Variants in FGFRL1 observed in about 807,000 individuals in gnomAD.
The protein encoded by FGFRL1 is fibroblast growth factor receptor like 1.
FGFRL1 carries 24 observed loss-of-function variants against 36.8 expected under a neutral mutation model. The observed-to-expected ratio is 0.65, with a 90% CI of 0.47 to 0.92. The LOEUF (loss-of-function observed/expected upper bound fraction) is 0.92. Ranked by LOEUF, FGFRL1 falls within the 40% of genes least tolerant of loss-of-function variation. The pLI is 0.00. For synonymous variants in FGFRL1, 422 were observed against 344.1 expected, an observed-to-expected ratio of 1.23 and a Z score of -2.50; for missense variants, 785 against 753.4, an observed-to-expected ratio of 1.04 and a Z score of -0.49.
At chr4:1,024,257 G>T (rs909604476) in intron 5 of FGFRL1, 54 bp from the exon 6 acceptor site, 18 of 1,528,160 alleles carry the variant, frequency 1.2e-5, no homozygotes, top group Admixed American at 1.1e-4. Flanking sequence ...GGGTGCTGGC[G>T]GGGTAGAGTC....
intron 2 of FGFRL1, among the ~76,000 whole-genome samples, chr4:1,020,469 G>A (rs1261094524): frequency 2.6e-5 from 4 of 151,764 alleles, no homozygotes; most frequent in Admixed American, 6.6e-5. Context: ...CAGGCCCTGC[G>A]GTGCCCCGAG....
Position 1,025,477 on chromosome 4 carries a change from G to C in FGFRL1, c.*130G>C. ...GAATGGCCAGCACCCCAGGCAGTCTGTGTGTGAGGCATAGCCCCTGGACAC... is the reference window on the plus strand; with the variant it reads ...GAATGGCCAGCACCCCAGGCAGTCTCTGTGTGAGGCATAGCCCCTGGACAC... On this transcript the variant is annotated 3_prime_UTR_variant, in exon 7 of 7. Transcript: ENST00000510644. 8.8e-7 allele frequency: 1 copy of C among 1,135,172 alleles called. No individual in the cohort carries two copies. The highest frequency in any genetic ancestry group is 1.6e-5 in the African/African-American group (1 of 64,088). The allele number at this position is 1,135,172 out of a possible 1,614,324, so 70.3% of individuals were successfully genotyped here.
chr4:1,012,999 A>G (rs138082624), intron 2 of FGFRL1, among the ~76,000 whole-genome samples: 2,197 of 152,280 alleles, frequency 0.014, 51 homozygotes, highest in African/African-American at 0.048. Flanking sequence ...AGATATTGGT[A>G]ATATACTTGG....
rs1716530387 is a variant in FGFRL1, at chr4:1,026,301, C to T, written c.*954C>T. 1 of 158,716 alleles carries T rather than the reference C, an allele frequency of 6.3e-6. No homozygotes were observed. The highest frequency in any genetic ancestry group is 2.4e-5 in the African/African-American group (1 of 41,498). 9.8% of individuals were successfully genotyped at this position (158,716 alleles called of 1,614,324 possible). A position where few individuals can be genotyped will look rare whatever the true frequency, so the allele number is the denominator to read the frequency against. On this transcript the variant is annotated 3_prime_UTR_variant, in exon 7 of 7. Transcript: ENST00000510644. ...GCACACACAGGTGCAGATATGCTGC[C>T]TGGACACACGCAGACTGACGTGCTT... is the stretch of plus-strand genomic sequence containing the variant.
rs768252857 is a variant in FGFRL1 at position 1,025,046 on chromosome 4, C to G, written c.1214C>G (p.Pro405Arg). 13 of 1,610,328 alleles carry G rather than the reference C, an allele frequency of 8.1e-6. No homozygotes were observed. Among genetic ancestry groups the G allele is most frequent in the Non-Finnish European group, 1.1e-5 (13 of 1,179,170 alleles). Residue 405 changes from proline (P) to arginine (R), a missense_variant, in exon 7 of 7, where the codon CCG becomes CGG. Physicochemically the swap from Pro to Arg is moderately radical, Grantham distance 103 (BLOSUM62 -2). Transcript: ENST00000510644. ...LLWLCQAQKK[P>R]CTPAPAPPLP... ...TGGCTTTGCCAGGCCCAGAAGAAGC[C>G]GTGCACCCCCGCGCCTGCCCCTCCC...
At chr4:1,018,863 G>A (rs889617237) in intron 2 of FGFRL1, among the ~76,000 whole-genome samples, 3 of 152,140 alleles carry the variant, frequency 2.0e-5, no homozygotes, top group South Asian at 2.1e-4. Flanking sequence ...GTCTTGGGCC[G>A]GCAACAGCAG....
Position 1,025,558 on chromosome 4 carries a change from A to G in FGFRL1, c.*211A>G. 4.7e-6 allele frequency: 3 copies of G among 643,270 alleles called. No homozygotes were observed. The highest frequency in any genetic ancestry group is 4.0e-5 in the South Asian group (2 of 49,870). 39.8% of individuals were successfully genotyped at this position (643,270 alleles called of 1,614,324 possible). On this transcript the variant is annotated 3_prime_UTR_variant, in exon 7 of 7. Transcript: ENST00000510644. ...CATGTATGCACACACATGCGCGCAC[A>G]CGTGCTCCCTGAAGGCACACGTACG...
rs745417758 is a variant in FGFRL1, at chr4:1,023,675, C to T, written c.387C>T (p.Pro129=). 8 of 1,603,884 alleles carry T rather than the reference C, an allele frequency of 5.0e-6. No individual in the cohort carries two copies. The highest frequency in any genetic ancestry group is 6.8e-6 in the Non-Finnish European group (8 of 1,177,314). The change falls in exon 4 of 7, where the codon CCC becomes CCT. Residue 129 remains proline, a synonymous_variant. Transcript: ENST00000510644. This position sits in a 1 kb window ranked among gnomAD's most constrained non-coding sequence, Gnocchi z 6.0. ...DISPGKESLG[P]DSSSGGQEDP... The stretch of plus-strand genomic sequence containing the variant: ...GCCCAGGGAAGGAGAGCCTGGGGCC[C>T]GACAGCTCCTCTGGGGGTCAAGAGG...
At chr4:1,019,007 G>A (rs1434909369) in intron 2 of FGFRL1, among the ~76,000 whole-genome samples, 1 of 152,192 alleles carries the variant, frequency 6.6e-6, no homozygotes, top group Non-Finnish European at 1.5e-5. Context: ...GCCGGCCCTG[G>A]GGGCCACGCT....
intron 1 of FGFRL1, 135 bp from the exon 2 acceptor site, chr4:1,012,335 C>A: frequency 1.0e-6 from 1 of 959,904 alleles, no homozygotes; most frequent in Non-Finnish European, 1.5e-6. Flanking sequence ...CCCGCTGCGG[C>A]TTCCTCCGCC....
intron 6 of FGFRL1, 60 bp from the exon 7 acceptor site, chr4:1,024,845 G>T (rs1345401226): frequency 2.6e-6 from 4 of 1,511,532 alleles, no homozygotes; most frequent in Non-Finnish European, 3.6e-6. Flanking sequence ...GGTCTGGGGT[G>T]CTCTCCTGGT....
rs192946618 is a variant in FGFRL1 at position 1,020,464 on chromosome 4, C to T, written c.80-1739C>T. Among the ~76,000 whole-genome samples, 155 of 151,870 alleles carry T rather than the reference C, an allele frequency of 1.0e-3. 1 individual carries two copies. Among genetic ancestry groups the T allele is most frequent in the Admixed American group, 2.0e-3 (30 of 15,274 alleles). The stretch of plus-strand genomic sequence containing the variant: ...CCAGGAGCTCCATCCAGGTACAGGC[C>T]CTGCGGTGCCCCGAGTTTCTGAGGC... On this transcript the variant is annotated intron_variant, in intron 2 of 6. Coordinates refer to ENST00000510644, the MANE Select transcript of FGFRL1 (RefSeq NM_001004356.3).
chr4:1,026,662 T>C lies in FGFRL1; in HGVS notation c.*1315T>C. On this transcript the variant is annotated 3_prime_UTR_variant, in exon 7 of 7. Coordinates refer to ENST00000510644, the MANE Select transcript of FGFRL1 (RefSeq NM_001004356.3). Reference sequence around the variant, plus strand: ...GGTATTTATATTTAAGAAATGAAGATAATATTAATAATGATGGAAGGAAGA... The same window carrying C: ...GGTATTTATATTTAAGAAATGAAGACAATATTAATAATGATGGAAGGAAGA... The C allele has an allele frequency of 3.3e-6, 1 of 300,948 alleles. No homozygotes were observed. Among genetic ancestry groups the C allele is most frequent in the Non-Finnish European group, 6.5e-6 (1 of 154,056 alleles). 18.6% of individuals were successfully genotyped at this position (300,948 alleles called of 1,614,324 possible).
rs1671892390 is a variant in FGFRL1, at chr4:1,025,596, T to TGCACAGATATGCCGCCTGGGC, written c.*250_*270dup. The TGCACAGATATGCCGCCTGGGC allele has an allele frequency of 1.8e-6, 1 of 569,524 alleles. No homozygotes were observed. The highest frequency in any genetic ancestry group is 3.4e-5 in the Admixed American group (1 of 29,260). The allele number at this position is 569,524 out of a possible 1,614,324, so 35.3% of individuals were successfully genotyped here. On this transcript the variant is annotated 3_prime_UTR_variant, in exon 7 of 7. Coordinates refer to ENST00000510644, the MANE Select transcript of FGFRL1 (RefSeq NM_001004356.3). ...AGGCACACGTACGCACACACGCACATGCACAGATATGCCGCCTGGGCACAC... is the reference window on the plus strand; with the variant it reads ...AGGCACACGTACGCACACACGCACATGCACAGATATGCCGCCTGGGCGCACAGATATGCCGCCTGGGCACAC...
chr4:1,025,159 G>C lies in FGFRL1; in HGVS notation c.1327G>C (p.Gly443Arg). 5 of 1,610,690 alleles carry C rather than the reference G, an allele frequency of 3.1e-6. No homozygotes were observed. Among genetic ancestry groups the C allele is most frequent in the Non-Finnish European group, 4.2e-6 (5 of 1,179,154 alleles). ...PSLAALSAGP[G>R]VGLCEEHGSP... ...GTTGGCCGCCCTCAGCGCTGGCCCT[G>C]GTGTGGGGCTGTGTGAGGAGCATGG... Residue 443 changes from glycine (G) to arginine (R), a missense_variant, in exon 7 of 7, where the codon GGT becomes CGT. By Grantham distance (125) the Gly-to-Arg change is moderately radical. Coordinates refer to ENST00000510644, the MANE Select transcript of FGFRL1 (RefSeq NM_001004356.3).
chr4:1,014,922 CCGA>C (rs1182154721), intron 2 of FGFRL1, among the ~76,000 whole-genome samples: 1 of 152,226 alleles, frequency 6.6e-6, no homozygotes, highest in Non-Finnish European at 1.5e-5. Context: ...CCTGGAAACG[CCGA>C]CCGCAGACTC....
At chr4:1,012,136 C>A (rs1199760089) in intron 1 of FGFRL1, 182 bp downstream of exon 1, 2 of 189,008 alleles carry the variant, frequency 1.1e-5, no homozygotes, top group South Asian at 3.5e-4. Flanking sequence ...ACGTGGGCCC[C>A]CCCCAGCGCA....
intron 2 of FGFRL1, 93 bp downstream of exon 2, chr4:1,012,657 C>G (rs1265040811): frequency 5.9e-6 from 3 of 509,486 alleles, no homozygotes; most frequent in Admixed American, 4.5e-5. Flanking sequence ...GCCCGCCTGG[C>G]ACGCGCCATG....
At position 1,024,998 on chromosome 4, in the gene FGFRL1, T is replaced by A; in HGVS notation, c.1166T>A (p.Phe389Tyr). 1 of 1,610,838 alleles carries A rather than the reference T, an allele frequency of 6.2e-7. No individual in the cohort carries two copies. ...ATCGGCATCCCAGCCGGCGCTGTCT[T>A]CATCCTGGGCACCCTGCTCCTGTGG... ...VVIGIPAGAVFILGTLLLWLC... is the reference protein window; with the variant it reads ...VVIGIPAGAVYILGTLLLWLC... Residue 389 changes from phenylalanine to tyrosine, a missense_variant, in exon 7 of 7, where the codon TTC (phenylalanine) becomes TAC (tyrosine). Physicochemically the swap from Phe to Tyr is conservative, Grantham distance 22 (BLOSUM62 3). Transcript: ENST00000510644.
Sources: gnomAD v4.1 joint callset for allele counts (sites outside exome capture counted in the v4.1 genomes callset) on GRCh38, gnomAD v4.1.1 for gene constraint, Gnocchi (gnomAD v3.1) non-coding constraint, MANE v1.5 for transcripts, NCBI Gene and HGNC (gene_info 2026-07-23, HGNC 2026-07-21) for gene names.